The following KLHL14 variants were observed in gnomAD, a reference collection of about 807,000 sequenced individuals.
The protein encoded by KLHL14 is kelch-like protein 14.
In KLHL14, 22 loss-of-function variants were observed where a neutral mutation model predicts 64.3. The ratio of observed to expected loss-of-function variants is 0.34; its 90% confidence interval spans 0.24 to 0.49. The LOEUF is 0.49. Among genes scored for constraint, KLHL14 ranks in the 20% least tolerant of loss-of-function variants. The probability of loss-of-function intolerance (pLI) is 0.99; values close to 1 mark genes in which losing one functional copy is unlikely to be tolerated. For synonymous variants in KLHL14, 322 were observed against 333.4 expected, an observed-to-expected ratio of 0.97 and a Z score of 0.37; for missense variants, 661 against 789.0, an observed-to-expected ratio of 0.84 and a Z score of 1.94.
rs527304857 is a variant in KLHL14, at chr18:32,677,310, T to C, written c.1609A>G (p.Met537Val). Reference sequence around the variant, plus strand: ...TTTGGGTCATAGCATTCCACAAGCATTACATCAAGGTGGGAGAAACCTAAG... The same window carrying C: ...TTTGGGTCATAGCATTCCACAAGCACTACATCAAGGTGGGAGAAACCTAAG... ...HLKGFSHLDV[M>V]LVECYDPKGD... Residue 537 changes from methionine (M) to valine (V), a missense_variant, in exon 8 of 9, where the codon ATG becomes GTG. Coordinates refer to ENST00000359358, the MANE Select transcript of KLHL14 (RefSeq NM_020805.3). The C allele has an allele frequency of 4.4e-4, 706 of 1,612,706 alleles. 10 individuals are homozygous for C. In the South Asian group the frequency reaches 7.2e-3, roughly 16 times the overall value.
At chr18:32,729,915 T>A (rs2050128746) in intron 3 of KLHL14, among the ~76,000 whole-genome samples, 1 of 152,174 alleles carries the variant, frequency 6.6e-6, no homozygotes, top group African/African-American at 2.4e-5. Flanking sequence ...TATGTTCTTG[T>A]AATACAGACA....
chr18:32,768,428 CACA>C (rs2050358570), intron 2 of KLHL14, among the ~76,000 whole-genome samples: 1 of 149,626 alleles, frequency 6.7e-6, no homozygotes, highest in South Asian at 2.1e-4. Flanking sequence ...CACACACACA[CACA>C]CCATTTAATT....
intron 4 of KLHL14, among the ~76,000 whole-genome samples, chr18:32,691,052 A>G (rs2049905104): frequency 6.6e-6 from 1 of 151,608 alleles, no homozygotes; most frequent in African/African-American, 2.4e-5. Flanking sequence ...ATTTCTGTGT[A>G]GAAAAAATCT....
intron 2 of KLHL14, among the ~76,000 whole-genome samples, chr18:32,759,143 C>G (rs2050300491): frequency 6.6e-6 from 1 of 152,048 alleles, no homozygotes; most frequent in Non-Finnish European, 1.5e-5. Flanking sequence ...GTGAATCTAC[C>G]ATGGGTTTTC....
At chr18:32,712,908 G>T (rs1011922733) in intron 3 of KLHL14, among the ~76,000 whole-genome samples, 2 of 152,104 alleles carry the variant, frequency 1.3e-5, no homozygotes, top group Admixed American at 6.6e-5. Flanking sequence ...CCTTCCAGGA[G>T]ATCATTTTCT....
At chr18:32,719,827 G>GC in intron 3 of KLHL14, among the ~76,000 whole-genome samples, 1 of 152,330 alleles carries the variant, frequency 6.6e-6, no homozygotes, top group East Asian at 1.9e-4. Context: ...GTCAGAGGTG[G>GC]CTCAGGAGTT....
intron 3 of KLHL14, among the ~76,000 whole-genome samples, chr18:32,696,460 A>G (rs1191898373): frequency 6.6e-6 from 1 of 152,230 alleles, no homozygotes; most frequent in African/African-American, 2.4e-5. Context: ...AGCATTAGTT[A>G]TCATATCTCC....
intron 3 of KLHL14, among the ~76,000 whole-genome samples, chr18:32,720,791 G>C (rs930140533): frequency 6.6e-6 from 1 of 152,122 alleles, no homozygotes; most frequent in Non-Finnish European, 1.5e-5. Context: ...TGAGATGAAG[G>C]CCATCTCACC....
chr18:32,687,630 A>G (rs1679157382), intron 4 of KLHL14, among the ~76,000 whole-genome samples: 1 of 152,226 alleles, frequency 6.6e-6, no homozygotes, highest in East Asian at 1.9e-4. Context: ...GTATGATGGT[A>G]TCTCTGGTTA....
intron 4 of KLHL14, among the ~76,000 whole-genome samples, chr18:32,691,842 T>C (rs1284620028): frequency 6.6e-6 from 1 of 152,206 alleles, no homozygotes; most frequent in East Asian, 1.9e-4. Flanking sequence ...TCCACTTTTC[T>C]TTTTTGTGCT....
intron 3 of KLHL14, among the ~76,000 whole-genome samples, chr18:32,712,548 T>C (rs948976599): frequency 3.3e-5 from 5 of 152,200 alleles, no homozygotes; most frequent in South Asian, 2.1e-4. Context: ...TCATTAATTT[T>C]CCCCTCTTTA....
intron 3 of KLHL14, chr18:32,740,670 AT>A (rs1272487276): frequency 6.6e-6 from 1 of 152,204 alleles, no homozygotes; most frequent in Non-Finnish European, 1.5e-5. Context: ...ACCACTACTA[AT>A]GGTATTTTTG....
rs574476139 is a variant in KLHL14, at chr18:32,710,776, T to C, written c.1070-15224A>G. On this transcript the variant is annotated intron_variant, in intron 3 of 8. Transcript: ENST00000359358. ...GGGCCACTGAAGGAAGGGTGAGAAA[T>C]GGACAGATGGAGAGGGGTTCAGGGA... is the stretch of plus-strand genomic sequence containing the variant. Among the ~76,000 whole-genome samples, 49 of 152,114 alleles carry C rather than the reference T, an allele frequency of 3.2e-4. 1 individual carries two copies. In the South Asian group the frequency reaches 9.5e-3, roughly 30 times the overall value.
intron 2 of KLHL14, among the ~76,000 whole-genome samples, chr18:32,746,387 G>A (rs1258117973): frequency 1.3e-5 from 2 of 152,186 alleles, no homozygotes; most frequent in South Asian, 2.1e-4. Flanking sequence ...GTGTGTGCGC[G>A]CCTGTATGCG....
At chr18:32,734,669 A>T (rs16963827) in intron 3 of KLHL14, among the ~76,000 whole-genome samples, 2,493 of 152,332 alleles carry the variant, frequency 0.016, 85 homozygotes, top group African/African-American at 0.056. Flanking sequence ...ATAAAAATGT[A>T]TTGAGGAACA....
intron 3 of KLHL14, among the ~76,000 whole-genome samples, chr18:32,714,547 T>C (rs1039142): frequency 0.24 from 36,974 of 152,088 alleles, 4,703 homozygotes; most frequent in Middle Eastern, 0.32. Context: ...ACTTCCTAGA[T>C]TGAATCTTTT....
rs901222799 is a variant in KLHL14, at chr18:32,773,008, G to A, written c.-385C>T. The A allele has an allele frequency of 4.6e-6, 1 of 219,730 alleles. No individual in the cohort carries two copies. The highest frequency in any genetic ancestry group is 2.3e-5 in the African/African-American group (1 of 44,096). 13.6% of individuals were successfully genotyped at this position (219,730 alleles called of 1,614,324 possible). A position where few individuals can be genotyped will look rare whatever the true frequency, so the allele number is the denominator to read the frequency against. On this transcript the variant is annotated 5_prime_UTR_variant, in exon 1 of 9. Transcript: ENST00000359358. ...ATTATCCTTGGGCCTGGGGCTCAGT[G>A]AGTCGTAACGAGAGTAATAGGAAAT... is the stretch of plus-strand genomic sequence containing the variant.
intron 2 of KLHL14, among the ~76,000 whole-genome samples, chr18:32,766,844 C>T (rs947061712): frequency 1.3e-5 from 2 of 151,930 alleles, no homozygotes; most frequent in East Asian, 3.9e-4. Context: ...CTTTTCTAGG[C>T]TTAATGAAAA....
At chr18:32,767,748 T>C (rs1043246653) in intron 2 of KLHL14, among the ~76,000 whole-genome samples, 3 of 152,232 alleles carry the variant, frequency 2.0e-5, no homozygotes, top group Non-Finnish European at 2.9e-5. Flanking sequence ...ACCTGTTAGA[T>C]AAAAGTGCAT....
Sources: gnomAD v4.1 joint callset for allele counts (sites outside exome capture counted in the v4.1 genomes callset) on GRCh38, gnomAD v4.1.1 for gene constraint, MANE v1.5 for transcripts, NCBI Gene and HGNC (gene_info 2026-07-23, HGNC 2026-07-21) for gene names.